The following UTP4 variants were observed in gnomAD, a reference collection of about 807,000 sequenced individuals.
UTP4 encodes U3 small nucleolar RNA-associated protein 4 homolog.
In UTP4, 45 loss-of-function variants were observed where a neutral mutation model predicts 82.4. The observed-to-expected ratio is 0.55, with a 90% CI of 0.43 to 0.70. The LOEUF is 0.70. Ranked by LOEUF, UTP4 falls within the 30% of genes least tolerant of loss-of-function variation. UTP4 has a pLI of 0.00. For synonymous variants in UTP4, 348 were observed against 300.3 expected (o/e 1.16, Z -1.64); for missense variants, 819 against 858.3 (o/e 0.95, Z 0.57).
intron 9 of UTP4, among the ~76,000 whole-genome samples, 192 bp from the exon 10 acceptor site, chr16:69,154,201 G>A (rs1279226692): frequency 1.3e-5 from 2 of 152,188 alleles, no homozygotes; most frequent in African/African-American, 4.8e-5. Context: ...TCAGAGGATA[G>A]AAGCAAAAGA....
chr16:69,140,912 C>G (rs1209468922), intron 5 of UTP4, among the ~76,000 whole-genome samples: 2 of 152,130 alleles, frequency 1.3e-5, no homozygotes, highest in Non-Finnish European at 2.9e-5. Flanking sequence ...CACTTCCTCC[C>G]GATCCTCCCA....
intron 10 of UTP4, 122 bp from the exon 11 acceptor site, chr16:69,155,749 G>T: frequency 9.7e-7 from 1 of 1,031,698 alleles, no homozygotes; most frequent in South Asian, 1.3e-5. Context: ...CACGAGGATC[G>T]AGATTATGTG....
intron 2 of UTP4, among the ~76,000 whole-genome samples, chr16:69,136,121 C>T (rs1186339868): frequency 1.3e-5 from 2 of 152,250 alleles, no homozygotes; most frequent in African/African-American, 4.8e-5. Flanking sequence ...GCACTTTTGG[C>T]AACCTACTTA....
intron 12 of UTP4, among the ~76,000 whole-genome samples, chr16:69,158,434 G>T (rs1208112545): frequency 5.3e-5 from 8 of 151,804 alleles, no homozygotes; most frequent in Non-Finnish European, 1.2e-4. Context: ...AAAGTGCTAG[G>T]ATTACAGGTG....
At chr16:69,153,718 G>C in intron 9 of UTP4, 38 bp downstream of exon 9, 1 of 1,358,334 alleles carries the variant, frequency 7.4e-7, no homozygotes, top group Non-Finnish European at 1.0e-6. Flanking sequence ...AAGAAAACTG[G>C]AGAGAGAAGC....
In UTP4 at chr16:69,167,121, C is replaced by G. The variant is rs780033276; in HGVS notation, c.1880C>G (p.Thr627Arg). ...TTACTCTACAATCCATTTCCTCCCACGAATGAATCAGATGTCATCCGGAGG... is the reference window on the plus strand; with the variant it reads ...TTACTCTACAATCCATTTCCTCCCAGGAATGAATCAGATGTCATCCGGAGG... ...KTLLYNPFPP[T>R]NESDVIRRRT... Residue 627 changes from threonine to arginine, a missense_variant, in exon 16 of 17, where the codon ACG becomes AGG. Transcript: ENST00000314423. 6.2e-7 allele frequency: 1 copy of G among 1,613,866 alleles called. No homozygotes were observed. Among genetic ancestry groups the G allele is most frequent in the African/African-American group, 1.3e-5 (1 of 74,888 alleles).
Position 69,136,882 on chromosome 16 carries a change from C to T in UTP4, c.346C>T (p.Leu116Phe), listed in dbSNP as rs1364309737. The change falls in exon 3 of 17, where the codon CTT becomes TTT. Residue 116 changes from leucine (L) to phenylalanine (F), a missense_variant. By Grantham distance (22) the Leu-to-Phe change is conservative. Transcript: ENST00000314423. The part of the protein sequence containing the change: ...SMAASPSGSQ[L>F]LVGCEDGSVK... ...GGCTGCCAGCCCCAGTGGCTCTCAA[C>T]TTTTGGTTAGTAAGCAACTATTGGT... 3 of 1,614,054 alleles carry T rather than the reference C, an allele frequency of 1.9e-6. No homozygotes were observed. The highest frequency in any genetic ancestry group is 2.5e-6 in the Non-Finnish European group (3 of 1,179,966).
intron 4 of UTP4, among the ~76,000 whole-genome samples, chr16:69,138,235 C>CTT (rs535515310): frequency 6.6e-4 from 92 of 139,298 alleles, no homozygotes; most frequent in East Asian, 2.1e-3. Context: ...TCTTTTCTTT[C>CTT]TTTTTTTTTT....
rs750404559 is a variant in UTP4, at chr16:69,133,632, G to C, written c.159+14G>C. 1.9e-6 allele frequency: 3 copies of C among 1,613,324 alleles called. No homozygotes were observed. The Admixed American group carries it at 5.0e-5, about 27-fold the overall frequency. ...TTTCAGGAGAAAGTAAGTCATTTGG[G>C]AGTCTGATATGGTGTTTTGATGTTA... On this transcript the variant is annotated intron_variant, in intron 2 of 16. Transcript: ENST00000314423.
Position 69,137,682 on chromosome 16 carries a change from A to T in UTP4, c.352-119A>T, listed in dbSNP as rs1597133142. 10 of 688,902 alleles carry T rather than the reference A, an allele frequency of 1.5e-5. No individual in the cohort carries two copies. In the South Asian group the frequency reaches 1.6e-4, roughly 11 times the overall value. 42.7% of individuals were successfully genotyped at this position (688,902 alleles called of 1,614,324 possible). Reference sequence around the variant, plus strand: ...TGATTTTTCTTTTTCACGGCAACTGATAGCTTTAAGGAGGAAGAGAGAATA... The same window carrying T: ...TGATTTTTCTTTTTCACGGCAACTGTTAGCTTTAAGGAGGAAGAGAGAATA... On this transcript the variant is annotated intron_variant, in intron 3 of 16. Coordinates refer to ENST00000314423, the MANE Select transcript of UTP4 (RefSeq NM_032830.3).
chr16:69,162,671 C>T (rs1442394805), intron 13 of UTP4, among the ~76,000 whole-genome samples: 1 of 148,420 alleles, frequency 6.7e-6, no homozygotes, highest in East Asian at 2.0e-4. Flanking sequence ...AAGATCATGC[C>T]ATTGCACTCC....
intron 6 of UTP4, among the ~76,000 whole-genome samples, chr16:69,146,096 CAAA>C (rs759547632): frequency 9.7e-6 from 1 of 103,376 alleles, no homozygotes; most frequent in Admixed American, 1.1e-4. Context: ...GACTCTGTCT[CAAA>C]AAAAAAAAAA....
At chr16:69,163,967 G>C (rs749810061) in intron 14 of UTP4, among the ~76,000 whole-genome samples, 1 of 147,774 alleles carries the variant, frequency 6.8e-6, no homozygotes, top group Non-Finnish European at 1.5e-5. Flanking sequence ...ATCACTGCAA[G>C]CTCCGCCTTC....
In UTP4 at chr16:69,143,389, C is replaced by G. The variant is rs748353799; in HGVS notation, c.738C>G (p.Asp246Glu). The change falls in exon 6 of 17, where the codon GAC (aspartate) becomes GAG (glutamate). Residue 246 changes from aspartate to glutamate, a missense_variant and splice_region_variant. Transcript: ENST00000314423. ...ACGTGCAGTCCATTGCTGTAGCTGA[C>G]GTGAGTACAGTCCCTGTTTAGAGTG... ...NADVQSIAVA[D>E]QEDSFVVGTA... 1.2e-5 allele frequency: 20 copies of G among 1,613,520 alleles called. No homozygotes were observed. The highest frequency in any genetic ancestry group is 1.6e-5 in the Non-Finnish European group (19 of 1,179,658).
intron 9 of UTP4, 27 bp downstream of exon 9, chr16:69,153,707 TAAG>T: frequency 2.0e-6 from 3 of 1,468,122 alleles, no homozygotes; most frequent in Non-Finnish European, 2.9e-6. Flanking sequence ...TTTTTTTCAA[TAAG>T]AAAACTGGAG....
At position 69,150,644 on chromosome 16, in the gene UTP4, G is replaced by A. The variant is rs150182351; in HGVS notation, c.846G>A (p.Pro282=). 1.5e-4 allele frequency: 248 copies of A among 1,614,214 alleles called. 1 individual carries two copies. Among genetic ancestry groups the A allele is most frequent in the Non-Finnish European group, 2.6e-5 (31 of 1,180,034 alleles). Residue 282 remains proline, a synonymous_variant, in exon 7 of 17, where the codon CCG becomes CCA. Coordinates refer to ENST00000314423, the MANE Select transcript of UTP4 (RefSeq NM_032830.3). ...AGAAGCAGTGGGTGCGGACAAAACC[G>A]TTCCAGCATCACACTCATGACGTGC... The part of the protein sequence containing the change: ...SSEKQWVRTK[P]FQHHTHDVRT...
At chr16:69,154,743 T>TA (rs1213002199) in intron 10 of UTP4, among the ~76,000 whole-genome samples, 1 of 151,342 alleles carries the variant, frequency 6.6e-6, no homozygotes, top group Non-Finnish European at 1.5e-5. Context: ...TTTATTTATT[T>TA]TTGAGACGGA....
At chr16:69,153,492 A>T in intron 8 of UTP4, 92 bp from the exon 9 acceptor site, 1 of 863,756 alleles carries the variant, frequency 1.2e-6, no homozygotes, top group Non-Finnish European at 1.9e-6. Context: ...TTTCAGCAGT[A>T]AAAAATGTGC....
intron 3 of UTP4, 33 bp from the exon 4 acceptor site, chr16:69,137,768 A>T (rs1195943771): frequency 7.7e-7 from 1 of 1,296,322 alleles, no homozygotes; most frequent in South Asian, 1.2e-5. Context: ...TTTACTATTG[A>T]TTTTTTCTGT....
Sources: gnomAD v4.1 joint callset for allele counts (sites outside exome capture counted in the v4.1 genomes callset) on GRCh38, gnomAD v4.1.1 for gene constraint, MANE v1.5 for transcripts, NCBI Gene and HGNC (gene_info 2026-07-23, HGNC 2026-07-21) for gene names.